VAC14: variants seen among roughly 807,000 people sequenced by gnomAD.
VAC14 encodes protein VAC14 homolog.
In VAC14, 47 loss-of-function variants were observed where a neutral mutation model predicts 85.3. That is an observed-to-expected ratio of 0.55 (90% CI 0.44 to 0.70). VAC14 has a LOEUF of 0.70. VAC14 is among the 30% of genes least tolerant of loss of function. The probability of loss-of-function intolerance (pLI) is 0.00; values close to 1 mark genes in which losing one functional copy is unlikely to be tolerated. For synonymous variants in VAC14, 447 were observed against 430.5 expected (o/e 1.04, Z -0.47); for missense variants, 861 against 1,004.3 (o/e 0.86, Z 1.93).
intron 1 of VAC14, among the ~76,000 whole-genome samples, chr16:70,791,045 G>A (rs1033247035): frequency 6.6e-6 from 1 of 152,194 alleles, no homozygotes; most frequent in African/African-American, 2.4e-5. Context: ...GACACTTGGG[G>A]CAAGCAAAAC....
intron 5 of VAC14, 44 bp from the exon 6 acceptor site, chr16:70,783,598 C>A: frequency 6.3e-7 from 1 of 1,590,340 alleles, no homozygotes; most frequent in Non-Finnish European, 8.6e-7. Flanking sequence ...GCTCCAGAAC[C>A]CTGTTTCCTG....
At chr16:70,785,263 G>T (rs1391660306) in intron 3 of VAC14, among the ~76,000 whole-genome samples, 1 of 152,200 alleles carries the variant, frequency 6.6e-6, no homozygotes, top group Non-Finnish European at 1.5e-5. Context: ...GCATTGCAGG[G>T]CTGCTCCGCG....
intron 12 of VAC14, among the ~76,000 whole-genome samples, chr16:70,754,223 C>G (rs1351224124): frequency 1.3e-5 from 2 of 152,176 alleles, no homozygotes; most frequent in East Asian, 1.9e-4. Flanking sequence ...CTGCTGTGGG[C>G]ACTGACACCA....
intron 13 of VAC14, among the ~76,000 whole-genome samples, chr16:70,740,689 C>T (rs1037050993): frequency 2.0e-5 from 3 of 152,162 alleles, no homozygotes; most frequent in African/African-American, 7.2e-5. Flanking sequence ...TGTGGTGTCC[C>T]TCAGCCAGCT....
chr16:70,736,988 C>T (rs1470384276), intron 13 of VAC14, among the ~76,000 whole-genome samples: 1 of 152,166 alleles, frequency 6.6e-6, no homozygotes, highest in South Asian at 2.1e-4. Context: ...GCCTCAGTGG[C>T]CCCCATCGCC....
rs376850744 is a variant in VAC14, at chr16:70,785,762, G to C, written c.363C>G (p.Val121=). 2.5e-6 allele frequency: 4 copies of C among 1,581,050 alleles called. No individual in the cohort carries two copies. The Admixed American group carries it at 5.4e-5, about 21-fold the overall frequency. ...YYACEALYNI[V]KVARGAVLPH... ...GCAGCACAGCGCCCCGGGCCACCTT[G>C]ACGATGTTGTAGAGGGCCTCGCAGG... Residue 121 remains valine, a synonymous_variant, in exon 3 of 19, where the codon GTC becomes GTG. Coordinates refer to ENST00000261776, the MANE Select transcript of VAC14 (RefSeq NM_018052.5).
chr16:70,780,381 G>C (rs904603199), intron 9 of VAC14, among the ~76,000 whole-genome samples: 6 of 152,146 alleles, frequency 3.9e-5, no homozygotes, highest in African/African-American at 1.2e-4. Flanking sequence ...CTACGGCCAA[G>C]AATCAAGTGC....
At chr16:70,777,769 G>A (rs751417482) in intron 9 of VAC14, among the ~76,000 whole-genome samples, 1 of 152,192 alleles carries the variant, frequency 6.6e-6, no homozygotes, top group South Asian at 2.1e-4. Flanking sequence ...TGAGGAACGT[G>A]GTGCTGTCGG....
At chr16:70,796,455 T>C (rs1010596101) in intron 1 of VAC14, among the ~76,000 whole-genome samples, 4 of 152,230 alleles carry the variant, frequency 2.6e-5, no homozygotes, top group African/African-American at 9.6e-5. Flanking sequence ...ATCAAATTCC[T>C]TTTATTATAA....
Position 70,762,994 on chromosome 16 carries a change from C to T in VAC14, c.1192G>A (p.Asp398Asn), listed in dbSNP as rs769847859. ...TERAPVTLHL[D>N]GIVQVLNCHL... ...CAGTTTAGGACCTGCACGATCCCGT[C>T]GAGGTGAAGGGTCACTGGGGCTCTT... The change falls in exon 11 of 19, where the codon GAC (aspartate) becomes AAC (asparagine). Residue 398 changes from aspartate to asparagine, a missense_variant. Physicochemically the swap from Asp to Asn is conservative, Grantham distance 23 (BLOSUM62 1). Transcript: ENST00000261776. The surrounding 1 kb of genome is among the most constrained non-coding windows in gnomAD (Gnocchi z 4.1). The T allele has an allele frequency of 1.7e-5, 28 of 1,614,192 alleles. No individual in the cohort carries two copies. Among genetic ancestry groups the T allele is most frequent in the South Asian group, 2.2e-5 (2 of 91,076 alleles).
intron 12 of VAC14, chr16:70,756,138 G>A: frequency 2.2e-6 from 1 of 455,950 alleles, no homozygotes; most frequent in Non-Finnish European, 4.4e-6. Context: ...AGAAGGAAAG[G>A]GGCACGCTGG....
intron 4 of VAC14, among the ~76,000 whole-genome samples, 189 bp downstream of exon 4, chr16:70,784,587 A>C (rs2033962066): frequency 6.6e-6 from 1 of 152,216 alleles, no homozygotes; most frequent in Non-Finnish European, 1.5e-5. Flanking sequence ...GTGATGGCAC[A>C]GTTCTGTATT....
intron 14 of VAC14, among the ~76,000 whole-genome samples, chr16:70,703,075 G>A (rs759073768): frequency 8.5e-5 from 13 of 152,254 alleles, no homozygotes; most frequent in Non-Finnish European, 1.9e-4. Flanking sequence ...CCTGCTGTGA[G>A]TGGGCACCAG....
intron 13 of VAC14, among the ~76,000 whole-genome samples, chr16:70,735,618 G>T (rs1199663644): frequency 6.6e-6 from 1 of 152,230 alleles, no homozygotes; most frequent in Non-Finnish European, 1.5e-5. Context: ...TCCCAGCTGT[G>T]AATCACTCTA....
intron 14 of VAC14, among the ~76,000 whole-genome samples, chr16:70,713,545 A>C (rs2142996582): frequency 6.6e-6 from 1 of 152,298 alleles, no homozygotes; most frequent in South Asian, 2.1e-4. Context: ...GACGTGGAAG[A>C]GGGCAGGCTT....
chr16:70,718,099 T>A (rs1035031803), intron 14 of VAC14, among the ~76,000 whole-genome samples: 2 of 152,234 alleles, frequency 1.3e-5, no homozygotes, highest in Non-Finnish European at 2.9e-5. Flanking sequence ...GACCAGCCAC[T>A]GCCCACCCCG....
chr16:70,744,750 T>G, intron 12 of VAC14, 171 bp from the exon 13 acceptor site: 2 of 666,304 alleles, frequency 3.0e-6, no homozygotes, highest in South Asian at 4.7e-5. Flanking sequence ...CTCAGAAAAG[T>G]GAAACAAAGT....
intron 1 of VAC14, among the ~76,000 whole-genome samples, chr16:70,795,847 C>T (rs368395627): frequency 2.0e-5 from 3 of 152,232 alleles, no homozygotes; most frequent in East Asian, 3.9e-4. Context: ...CTCAGGACCA[C>T]TAGAGACTTG....
At chr16:70,743,469 C>A (rs746259740) in intron 13 of VAC14, among the ~76,000 whole-genome samples, 2 of 152,156 alleles carry the variant, frequency 1.3e-5, no homozygotes, top group Non-Finnish European at 2.9e-5. Context: ...TCTTTGAGTC[C>A]GCACCACTTT....
Sources: gnomAD v4.1 joint callset for allele counts (sites outside exome capture counted in the v4.1 genomes callset) on GRCh38, gnomAD v4.1.1 for gene constraint, Gnocchi (gnomAD v3.1) non-coding constraint, MANE v1.5 for transcripts, NCBI Gene and HGNC (gene_info 2026-07-23, HGNC 2026-07-21) for gene names.